ZNF697: variants seen among roughly 807,000 people sequenced by gnomAD.
ZNF697 encodes zinc finger protein 697.
In ZNF697, 23 loss-of-function variants were observed where a neutral mutation model predicts 32.4. The observed-to-expected ratio is 0.71, with a 90% confidence interval of 0.51 to 1.01. The LOEUF is 1.01. ZNF697 is among the 50% of genes least tolerant of loss of function. The pLI, the probability that ZNF697 is intolerant of heterozygous loss-of-function variation, is 0.00. For synonymous variants in ZNF697, 418 were observed against 337.2 expected, an observed-to-expected ratio of 1.24 and a Z score of -2.62; for missense variants, 930 against 794.0, an observed-to-expected ratio of 1.17 and a Z score of -2.06.
chr1:119,646,466 C>G (rs951126446), intron 1 of ZNF697, among the ~76,000 whole-genome samples: 2 of 151,874 alleles, frequency 1.3e-5, no homozygotes. Context: ...TTTTTTTTCT[C>G]GATTCCATTC....
intron 1 of ZNF697, among the ~76,000 whole-genome samples, chr1:119,645,059 T>C (rs1428172965): frequency 6.6e-6 from 1 of 152,246 alleles, no homozygotes. Flanking sequence ...ATCCACTCCA[T>C]ATTCTGCCTG....
chr1:119,637,920 A>G (rs1396957675), intron 1 of ZNF697, among the ~76,000 whole-genome samples: 1 of 152,056 alleles, frequency 6.6e-6, no homozygotes, highest in South Asian at 2.1e-4. Flanking sequence ...GAAAAAAGTC[A>G]TCGTCTGTGT....
At chr1:119,641,204 G>A (rs1649059232) in intron 1 of ZNF697, among the ~76,000 whole-genome samples, 1 of 152,214 alleles carries the variant, frequency 6.6e-6, no homozygotes, top group Admixed American at 6.5e-5. Flanking sequence ...TGTAGGCTGT[G>A]GCTGCAGTCT....
In ZNF697 at chr1:119,622,933, G is replaced by C; in HGVS notation, c.1410C>G (p.Cys470Trp). 1 of 1,606,802 alleles carries C rather than the reference G, an allele frequency of 6.2e-7. No homozygotes were observed. The highest frequency in any genetic ancestry group is 1.3e-5 in the African/African-American group (1 of 74,816). Residue 470 changes from cysteine to tryptophan, a missense_variant, in exon 3 of 3, where the codon TGC becomes TGG. Coordinates refer to ENST00000421812, the MANE Select transcript of ZNF697 (RefSeq NM_001080470.2). ...TGEKPFRCGQ[C>W]EKRFSDFSTL... ...TGGAGAAGTCGCTGAAGCGCTTCTC[G>C]CACTGGCCACAGCGGAAGGGCTTCT...
intron 1 of ZNF697, among the ~76,000 whole-genome samples, chr1:119,631,180 C>T (rs935461602): frequency 3.9e-5 from 6 of 152,232 alleles, no homozygotes; most frequent in African/African-American, 1.4e-4. Flanking sequence ...AAAGCAGGGG[C>T]GCAGCTGCCG....
Position 119,627,203 on chromosome 1 carries a change from A to G in ZNF697, c.-37-1066T>C, listed in dbSNP as rs75960204. On this transcript the variant is annotated intron_variant, in intron 1 of 2. Coordinates refer to ENST00000421812, the MANE Select transcript of ZNF697 (RefSeq NM_001080470.2). Reference sequence around the variant, plus strand: ...TAGCTCTCTGCCTCAGCAGTCCCCAAACAGCAAGAACATGGCTGAGCAAGA... The same window carrying G: ...TAGCTCTCTGCCTCAGCAGTCCCCAGACAGCAAGAACATGGCTGAGCAAGA... 2.6e-3 allele frequency among the ~76,000 whole-genome samples: 401 copies of G among 152,300 alleles called. 2 individuals are homozygous for G. Among genetic ancestry groups the G allele is most frequent in the Middle Eastern group, 0.017 (5 of 294 alleles).
chr1:119,638,745 G>T (rs1251619817), intron 1 of ZNF697, among the ~76,000 whole-genome samples: 1 of 152,130 alleles, frequency 6.6e-6, no homozygotes, highest in Non-Finnish European at 1.5e-5. Context: ...CTGCACTCCA[G>T]ATCCACATTT....
chr1:119,638,548 C>T (rs1469173226), intron 1 of ZNF697, among the ~76,000 whole-genome samples: 1 of 152,174 alleles, frequency 6.6e-6, no homozygotes, highest in Non-Finnish European at 1.5e-5. Flanking sequence ...TTGCACTGTC[C>T]TAGTCCTCCT....
chr1:119,629,065 T>C (rs1354667943), intron 1 of ZNF697, among the ~76,000 whole-genome samples: 1 of 152,182 alleles, frequency 6.6e-6, no homozygotes, highest in Non-Finnish European at 1.5e-5. Context: ...ATACAAATCA[T>C]AAATTGCAGA....
rs1473452007 is a variant in ZNF697 at position 119,623,199 on chromosome 1, C to G, written c.1144G>C (p.Gly382Arg). ...AAGCGCTTGCCGCACTCGCCACAGC[C>G]GTGCGGCTTCTCGCCCGTGTGGATG... ...QRIHTGEKPH[G>R]CGECGKRFSW... Residue 382 changes from glycine to arginine, a missense_variant, in exon 3 of 3, where the codon GGC (glycine) becomes CGC (arginine). By Grantham distance (125) the Gly-to-Arg change is moderately radical. Transcript: ENST00000421812. The G allele has an allele frequency of 2.6e-6, 4 of 1,538,750 alleles. No homozygotes were observed. Among genetic ancestry groups the G allele is most frequent in the South Asian group, 2.4e-5 (2 of 84,236 alleles).
intron 1 of ZNF697, 143 bp from the exon 2 acceptor site, chr1:119,626,280 G>T: frequency 8.6e-7 from 1 of 1,164,558 alleles, no homozygotes; most frequent in Non-Finnish European, 1.2e-6. Flanking sequence ...ACATTTTAAA[G>T]TAAACAAGTG....
chr1:119,643,140 T>C (rs1649121992), intron 1 of ZNF697, among the ~76,000 whole-genome samples: 1 of 152,226 alleles, frequency 6.6e-6, no homozygotes, highest in African/African-American at 2.4e-5. Flanking sequence ...CAGAAGACCA[T>C]GTATATCTGA....
At position 119,622,574 on chromosome 1, in the gene ZNF697, A is replaced by T; in HGVS notation, c.*131T>A. 7.1e-7 allele frequency: 1 copy of T among 1,417,478 alleles called. No individual in the cohort carries two copies. The highest frequency in any genetic ancestry group is 9.2e-7 in the Non-Finnish European group (1 of 1,086,738). 87.8% of individuals were successfully genotyped at this position (1,417,478 alleles called of 1,614,324 possible). A position where few individuals can be genotyped will look rare whatever the true frequency, so the allele number is the denominator to read the frequency against. ...ACTCCTCCCACTTCAGGAAACCCCA[A>T]ACACCAAAGGCTCCCCAGTCACTCT... On this transcript the variant is annotated 3_prime_UTR_variant, in exon 3 of 3. Transcript: ENST00000421812.
In ZNF697 at chr1:119,625,888, G is replaced by C. The variant is rs587759186; in HGVS notation, c.213C>G (p.Pro71=). The C allele has an allele frequency of 5.8e-5, 93 of 1,613,468 alleles. No individual in the cohort carries two copies. The highest frequency in any genetic ancestry group is 7.2e-5 in the Non-Finnish European group (85 of 1,179,776). The change falls in exon 2 of 3, where the codon CCC becomes CCG. Residue 71 remains proline (P), a synonymous_variant. Coordinates refer to ENST00000421812, the MANE Select transcript of ZNF697 (RefSeq NM_001080470.2). ...CTTTCTCCTCACCTGTGCAGATGTCGGGCACTGCTTCCCTGTGCCTTGAGT... is the reference window on the plus strand; with the variant it reads ...CTTTCTCCTCACCTGTGCAGATGTCCGGCACTGCTTCCCTGTGCCTTGAGT... ...PQDSRHREAV[P]DICTEGQLSE...
At position 119,623,596 on chromosome 1, in the gene ZNF697, C is replaced by T. The variant is rs1018052374; in HGVS notation, c.747G>A (p.Gly249=). The T allele has an allele frequency of 7.7e-6, 11 of 1,433,104 alleles. No individual in the cohort carries two copies. Among genetic ancestry groups the T allele is most frequent in the South Asian group, 1.5e-5 (1 of 67,816 alleles). 88.8% of individuals were successfully genotyped at this position (1,433,104 alleles called of 1,614,324 possible). A position where few individuals can be genotyped will look rare whatever the true frequency, so the allele number is the denominator to read the frequency against. The change falls in exon 3 of 3, where the codon GGG becomes GGA. Residue 249 remains glycine (G), a synonymous_variant. Coordinates refer to ENST00000421812, the MANE Select transcript of ZNF697 (RefSeq NM_001080470.2). ...CGCGCGGGGGCCGGGCCAGCGGGGG[C>T]CCGGCCCCGAAGCCCCCCGCCACAC... ...GVGVAGGFGA[G]PPLARPPREK...
intron 1 of ZNF697, among the ~76,000 whole-genome samples, chr1:119,626,667 A>G (rs1204004421): frequency 6.6e-6 from 1 of 152,224 alleles, no homozygotes; most frequent in Admixed American, 6.5e-5. Context: ...AGCCAGAGGA[A>G]AAGTACATCA....
At chr1:119,635,156 A>C (rs587599585) in intron 1 of ZNF697, among the ~76,000 whole-genome samples, 3 of 152,302 alleles carry the variant, frequency 2.0e-5, no homozygotes, top group African/African-American at 4.8e-5. Flanking sequence ...ATGGATAATT[A>C]TATTTTTTTC....
At chr1:119,638,739 A>G (rs916341455) in intron 1 of ZNF697, among the ~76,000 whole-genome samples, 1 of 152,040 alleles carries the variant, frequency 6.6e-6, no homozygotes, top group Non-Finnish European at 1.5e-5. Context: ...CCTGACCTGC[A>G]CTCCAGATCC....
rs1648308483 is a variant in ZNF697, at chr1:119,621,485, A to G, written c.*1220T>C. The stretch of plus-strand genomic sequence containing the variant: ...CCAGAAAACATTCATTGTTTGTGCT[A>G]TTTGGCAATTTTGCATTTACACCTC... On this transcript the variant is annotated 3_prime_UTR_variant, in exon 3 of 3. Coordinates refer to ENST00000421812, the MANE Select transcript of ZNF697 (RefSeq NM_001080470.2). 6.6e-6 allele frequency: 1 copy of G among 152,660 alleles called. No homozygotes were observed. Among genetic ancestry groups the G allele is most frequent in the African/African-American group, 2.4e-5 (1 of 41,460 alleles). The allele number at this position is 152,660 out of a possible 1,614,324, so 9.5% of individuals were successfully genotyped here.
Sources: allele counts gnomAD v4.1 joint callset (sites outside exome capture counted in the v4.1 genomes callset), GRCh38; gene constraint gnomAD v4.1.1; transcripts MANE v1.5; gene names NCBI Gene and HGNC (gene_info 2026-07-23, HGNC 2026-07-21).